Variants in SLC13A4 observed in about 807,000 individuals in gnomAD.
SLC13A4 encodes the protein solute carrier family 13 member 4.
SLC13A4 carries 28 observed loss-of-function variants against 72.7 expected under a neutral mutation model. That is an observed-to-expected ratio of 0.39 (90% confidence interval 0.29 to 0.53). The LOEUF (loss-of-function observed/expected upper bound fraction) is 0.53, where lower values mean the gene tolerates loss of function less well. Among genes scored for constraint, SLC13A4 ranks in the 20% least tolerant of loss-of-function variants. The pLI, the probability that SLC13A4 is intolerant of heterozygous loss-of-function variation, is 0.78. For missense variants in SLC13A4, 653 were observed against 788.0 expected (o/e 0.83, Z 2.05); for synonymous variants, 312 against 325.5 (o/e 0.96, Z 0.45).
At chr7:135,691,737 T>G in intron 11 of SLC13A4, 92 bp from the exon 12 acceptor site, 1 of 824,110 alleles carries the variant, frequency 1.2e-6, no homozygotes. Flanking sequence ...ACACAGTGCC[T>G]CTTTTTAGGA....
intron 1 of SLC13A4, 55 bp from the exon 2 acceptor site, chr7:135,721,578 G>C: frequency 6.2e-7 from 1 of 1,603,416 alleles, no homozygotes; most frequent in Non-Finnish European, 8.5e-7. Flanking sequence ...GCCACTGAGC[G>C]TCCGGATGCA....
chr7:135,708,196 C>T lies in SLC13A4; in HGVS notation c.283G>A (p.Val95Met), dbSNP rs34547425. 1,838 of 1,614,216 alleles carry T rather than the reference C, an allele frequency of 1.1e-3. 21 individuals carry two copies. In the African/African-American group the frequency reaches 0.022, roughly 19 times the overall value. ...TTLLLVGVIC[V>M]AAAVEKWNLH... Reference sequence around the variant, plus strand: ...TTCCACTTCTCCACGGCAGCCGCCACGCAGATGACCCCCACCAGCAGCAGC... The same window carrying T: ...TTCCACTTCTCCACGGCAGCCGCCATGCAGATGACCCCCACCAGCAGCAGC... The change falls in exon 3 of 16, where the codon GTG (valine) becomes ATG (methionine). Residue 95 changes from valine to methionine, a missense_variant. By Grantham distance (21) the Val-to-Met change is conservative. Transcript: ENST00000682651.
intron 13 of SLC13A4, among the ~76,000 whole-genome samples, chr7:135,689,849 C>T (rs1795735679): frequency 6.6e-6 from 1 of 151,984 alleles, no homozygotes; most frequent in Admixed American, 6.6e-5. Context: ...ATTCTGTGAC[C>T]TTATTATTAA....
At chr7:135,698,189 T>C (rs970139013) in intron 8 of SLC13A4, among the ~76,000 whole-genome samples, 85 of 151,772 alleles carry the variant, frequency 5.6e-4, no homozygotes, top group African/African-American at 1.9e-3. Flanking sequence ...CCTGCTACCA[T>C]GCCTGGTTAA....
intron 10 of SLC13A4, among the ~76,000 whole-genome samples, chr7:135,693,585 G>T (rs147481032): frequency 1.3e-5 from 2 of 152,322 alleles, no homozygotes; most frequent in South Asian, 4.1e-4. Context: ...ATGCAAAGTT[G>T]TATGTGCCAA....
intron 15 of SLC13A4, chr7:135,683,875 T>C (rs1487317939): frequency 6.2e-6 from 5 of 805,110 alleles, no homozygotes; most frequent in Non-Finnish European, 3.0e-6. Context: ...AGCCTGTCTG[T>C]TCCAGCTTTC....
intron 6 of SLC13A4, 164 bp downstream of exon 6, chr7:135,702,681 G>A: frequency 4.4e-6 from 3 of 686,020 alleles, no homozygotes; most frequent in Non-Finnish European, 7.8e-6. Flanking sequence ...CAGCCAATGT[G>A]TCCTTTTTAA....
Position 135,692,620 on chromosome 7 carries a change from T to C in SLC13A4, c.1122-196A>G, listed in dbSNP as rs941796770. ...GCCCCAGAAAACATGACATTAACCA[T>C]GTTCCTGGAGAAACTTCAGTAGAAA... On this transcript the variant is annotated intron_variant, in intron 10 of 15. Transcript: ENST00000682651. 8.9e-6 allele frequency: 5 copies of C among 560,592 alleles called. No individual in the cohort carries two copies. The East Asian group carries it at 1.2e-4, about 14-fold the overall frequency. 34.7% of individuals were successfully genotyped at this position (560,592 alleles called of 1,614,324 possible).
intron 2 of SLC13A4, among the ~76,000 whole-genome samples, chr7:135,718,636 T>C (rs1182957784): frequency 6.6e-6 from 1 of 152,078 alleles, no homozygotes; most frequent in Non-Finnish European, 1.5e-5. Context: ...CCTTTGGTCA[T>C]TGGAAGGGCT....
chr7:135,721,068 G>T (rs557987013), intron 2 of SLC13A4, among the ~76,000 whole-genome samples: 6 of 152,212 alleles, frequency 3.9e-5, no homozygotes, highest in African/African-American at 1.4e-4. Context: ...GTCTGAAAAA[G>T]GTCAACAGCA....
chr7:135,706,076 C>G, intron 4 of SLC13A4, 52 bp downstream of exon 4: 1 of 1,521,504 alleles, frequency 6.6e-7, no homozygotes, highest in Middle Eastern at 1.8e-4. Context: ...GGCAGGAGGA[C>G]CCCAGGGGAG....
chr7:135,703,329 C>T (rs1460665857), intron 5 of SLC13A4: 2 of 169,194 alleles, frequency 1.2e-5, no homozygotes, highest in East Asian at 1.6e-4. Flanking sequence ...AAGCCTATGC[C>T]CCCTGACCAT....
At chr7:135,708,856 C>CT (rs1209008927) in intron 2 of SLC13A4, among the ~76,000 whole-genome samples, 4 of 149,554 alleles carry the variant, frequency 2.7e-5, no homozygotes, top group Admixed American at 6.7e-5. Flanking sequence ...TATATCTTGC[C>CT]TTTTTTTCAT....
intron 13 of SLC13A4, among the ~76,000 whole-genome samples, chr7:135,690,678 CTG>C (rs1205480134): frequency 1.3e-5 from 2 of 152,070 alleles, no homozygotes; most frequent in African/African-American, 4.8e-5. Context: ...TGTGTCATGA[CTG>C]TGTGGCACAG....
rs971970843 is a variant in SLC13A4, at chr7:135,691,059, G to A, written c.1446+142C>T. On this transcript the variant is annotated intron_variant, in intron 13 of 15. Coordinates refer to ENST00000682651, the MANE Select transcript of SLC13A4 (RefSeq NM_001318192.2). ...CACGCCTGTAATCCCAGCTACTTGG[G>A]AGGCTGAGGCAAGAGAATCGCTTGA... 2.3e-5 allele frequency: 15 copies of A among 642,052 alleles called. No individual in the cohort carries two copies. In the East Asian group the frequency reaches 4.9e-4, roughly 21 times the overall value. The allele number at this position is 642,052 out of a possible 1,614,324, so 39.8% of individuals were successfully genotyped here. A position where few individuals can be genotyped will look rare whatever the true frequency, so the allele number is the denominator to read the frequency against.
At chr7:135,692,274 A>G (rs1273602827) in intron 11 of SLC13A4, 49 bp downstream of exon 11, 2 of 1,321,162 alleles carry the variant, frequency 1.5e-6, no homozygotes, top group Non-Finnish European at 2.2e-6. Flanking sequence ...TCTTGCCTGA[A>G]GAATTGGGGT....
intron 5 of SLC13A4, 21 bp downstream of exon 5, chr7:135,705,575 G>A: frequency 1.2e-6 from 2 of 1,612,888 alleles, no homozygotes; most frequent in African/African-American, 2.7e-5. Flanking sequence ...GCGCTGTCTG[G>A]GAGAGGGCAG....
intron 6 of SLC13A4, 36 bp downstream of exon 6, chr7:135,702,809 G>A (rs1796069441): frequency 2.5e-6 from 4 of 1,590,200 alleles, no homozygotes; most frequent in African/African-American, 2.7e-5. Context: ...GGATTTTCAA[G>A]TGATTCCAAA....
chr7:135,711,175 G>A (rs976190988), intron 2 of SLC13A4, among the ~76,000 whole-genome samples: 1 of 152,182 alleles, frequency 6.6e-6, no homozygotes, highest in Non-Finnish European at 1.5e-5. Flanking sequence ...ACCGAGGAGA[G>A]AAACCCACAG....
Sources: gnomAD v4.1 joint callset for allele counts (sites outside exome capture counted in the v4.1 genomes callset) on GRCh38, gnomAD v4.1.1 for gene constraint, MANE v1.5 for transcripts, NCBI Gene and HGNC (gene_info 2026-07-23, HGNC 2026-07-21) for gene names.